The following PDS5B variants were observed in gnomAD, a reference collection of about 807,000 sequenced individuals.
PDS5B encodes the protein PDS5 cohesin associated factor B.
A neutral mutation model predicts 184.1 loss-of-function variants in PDS5B; 51 were observed. That is an observed-to-expected ratio of 0.28 (90% CI 0.22 to 0.35). The LOEUF (loss-of-function observed/expected upper bound fraction) is 0.35, where lower values mean the gene tolerates loss of function less well. PDS5B is among the 10% of genes least tolerant of loss of function. PDS5B has a pLI of 1.00. For missense variants in PDS5B, 1,180 were observed against 1,723.3 expected (o/e 0.68, Z 5.58); for synonymous variants, 566 against 569.2 (o/e 0.99, Z 0.08).
At chr13:32,706,828 G>T in intron 17 of PDS5B, 106 bp from the exon 18 acceptor site, 1 of 496,764 alleles carries the variant, frequency 2.0e-6, no homozygotes, top group Non-Finnish European at 3.6e-6. Flanking sequence ...TTTGTATTTG[G>T]TTCGGATATG....
At chr13:32,773,095 A>G in intron 33 of PDS5B, 94 bp from the exon 34 acceptor site, 2 of 1,029,256 alleles carry the variant, frequency 1.9e-6, no homozygotes. Context: ...GGTAAAGATG[A>G]TATGACGATG....
intron 7 of PDS5B, among the ~76,000 whole-genome samples, chr13:32,670,119 TACAG>T (rs1239696802): frequency 6.8e-5 from 10 of 147,018 alleles, no homozygotes; most frequent in African/African-American, 2.2e-4. Flanking sequence ...CATTCACACA[TACAG>T]ACACATTCTT....
At chr13:32,694,678 T>G (rs1951652421) in intron 14 of PDS5B, among the ~76,000 whole-genome samples, 1 of 151,852 alleles carries the variant, frequency 6.6e-6, no homozygotes, top group Non-Finnish European at 1.5e-5. Flanking sequence ...GCTTGTGGTT[T>G]TAGAAAGTTT....
chr13:32,698,616 A>C (rs1205444143), intron 15 of PDS5B, among the ~76,000 whole-genome samples: 2 of 152,190 alleles, frequency 1.3e-5, no homozygotes, highest in Admixed American at 6.5e-5. Context: ...ATTCTTAACT[A>C]TATTAAGTCA....
At chr13:32,661,771 C>T (rs567526755) in intron 6 of PDS5B, among the ~76,000 whole-genome samples, 1 of 152,050 alleles carries the variant, frequency 6.6e-6, no homozygotes, top group East Asian at 1.9e-4. Flanking sequence ...ATATAAAGCA[C>T]CCAGAATGTA....
chr13:32,713,718 T>C (rs1298955201), intron 19 of PDS5B, among the ~76,000 whole-genome samples: 1 of 152,090 alleles, frequency 6.6e-6, no homozygotes, highest in Non-Finnish European at 1.5e-5. Context: ...GAGAAGACAG[T>C]AGAATAATGG....
At chr13:32,597,035 CTTTTTAT>C (rs1566232712) in intron 1 of PDS5B, among the ~76,000 whole-genome samples, 1 of 151,576 alleles carries the variant, frequency 6.6e-6, no homozygotes, top group African/African-American at 2.4e-5. Context: ...GCTTTGAGTT[CTTTTTAT>C]TTTTTATTTT....
At chr13:32,655,363 TATATATATATA>T (rs1950478306) in intron 3 of PDS5B, among the ~76,000 whole-genome samples, 1 of 37,020 alleles carries the variant, frequency 2.7e-5, no homozygotes, top group South Asian at 1.3e-3. Context: ...CTTTGCCATA[TATATATATATA>T]TTTTTTTTTT....
At chr13:32,670,957 C>T (rs924207017) in intron 7 of PDS5B, among the ~76,000 whole-genome samples, 1 of 152,136 alleles carries the variant, frequency 6.6e-6, no homozygotes, top group Non-Finnish European at 1.5e-5. Flanking sequence ...CATTAGGAGA[C>T]ATTTGCTGTA....
At chr13:32,629,417 G>A (rs535820892) in intron 1 of PDS5B, among the ~76,000 whole-genome samples, 24 of 152,060 alleles carry the variant, frequency 1.6e-4, no homozygotes, top group Non-Finnish European at 2.5e-4. Flanking sequence ...CTTGTAGAAT[G>A]TTTTCTACTG....
At chr13:32,605,224 G>T (rs183674113) in intron 1 of PDS5B, among the ~76,000 whole-genome samples, 12 of 152,044 alleles carry the variant, frequency 7.9e-5, no homozygotes, top group East Asian at 1.9e-4. Flanking sequence ...TAAATTTCCC[G>T]CTACACCCTG....
intron 1 of PDS5B, among the ~76,000 whole-genome samples, chr13:32,644,548 T>A (rs761098416): frequency 1.3e-5 from 2 of 152,132 alleles, no homozygotes; most frequent in Non-Finnish European, 2.9e-5. Context: ...CTTTCCCTCC[T>A]TTGTTGATTA....
chr13:32,665,357 C>T (rs1023468419), intron 6 of PDS5B, among the ~76,000 whole-genome samples: 3 of 151,588 alleles, frequency 2.0e-5, no homozygotes, highest in African/African-American at 4.8e-5. Context: ...TTTGGGAGGC[C>T]GAGGCGGGCA....
Position 32,706,987 on chromosome 13 carries a change from A to G in PDS5B, c.1910A>G (p.Asp637Gly). 2 of 1,612,428 alleles carry G rather than the reference A, an allele frequency of 1.2e-6. No individual in the cohort carries two copies. The highest frequency in any genetic ancestry group is 1.7e-6 in the Non-Finnish European group (2 of 1,179,198). The change falls in exon 18 of 35, where the codon GAT becomes GGT. Residue 637 changes from aspartate (D) to glycine (G), a missense_variant. Around this residue, in one of 11 missense-constraint regions of PDS5B, gnomAD observed 475 missense variants for 691.5 expected, o/e 0.69. Transcript: ENST00000315596. ...ATAGATGGAACAGCAGATGATGAAG[A>G]TGAGGGTGTTCCAACTGATCAAGCC... ...KSIDGTADDE[D>G]EGVPTDQAIR...
intron 1 of PDS5B, among the ~76,000 whole-genome samples, chr13:32,621,714 TGG>T (rs2058304623): frequency 6.6e-6 from 1 of 152,224 alleles, no homozygotes; most frequent in African/African-American, 2.4e-5. Flanking sequence ...GCACATTTAT[TGG>T]CATAAAGCAG....
chr13:32,600,660 A>G (rs1344785675), intron 1 of PDS5B, among the ~76,000 whole-genome samples: 1 of 152,136 alleles, frequency 6.6e-6, no homozygotes, highest in Non-Finnish European at 1.5e-5. Context: ...AATCACTTGA[A>G]CCTGGGAAGC....
At chr13:32,655,375 T>TATATATGTATATATATATATA (rs1555296358) in intron 3 of PDS5B, among the ~76,000 whole-genome samples, 13 of 50,946 alleles carry the variant, frequency 2.6e-4, no homozygotes, top group Non-Finnish European at 3.5e-4. Context: ...TATATATATA[T>TATATATGTATATATATATATA]TTTTTTTTTT....
At chr13:32,739,137 C>A (rs1953448328) in intron 21 of PDS5B, among the ~76,000 whole-genome samples, 1 of 151,786 alleles carries the variant, frequency 6.6e-6, no homozygotes. Context: ...TTTACACACA[C>A]AAAAATCAAT....
At chr13:32,671,798 G>T (rs1026841559) in intron 7 of PDS5B, among the ~76,000 whole-genome samples, 1 of 152,192 alleles carries the variant, frequency 6.6e-6, no homozygotes, top group Non-Finnish European at 1.5e-5. Context: ...TAAGCCAGTT[G>T]TGTGTTAACT....
Sources: allele counts gnomAD v4.1 joint callset (sites outside exome capture counted in the v4.1 genomes callset), GRCh38; gene constraint gnomAD v4.1.1; regional missense constraint gnomAD v4.1.1; transcripts MANE v1.5; gene names NCBI Gene and HGNC (gene_info 2026-07-23, HGNC 2026-07-21).